LTBP1: variants seen among roughly 807,000 people sequenced by gnomAD.
LTBP1 encodes latent-transforming growth factor beta-binding protein 1.
Under a neutral mutation model 207.6 loss-of-function variants are expected in LTBP1, and 129 were observed. That is an observed-to-expected ratio of 0.62 (90% CI 0.54 to 0.72). LTBP1 has a LOEUF of 0.72. Among genes scored for constraint, LTBP1 ranks in the 30% least tolerant of loss-of-function variants. The pLI is 0.00. For synonymous variants in LTBP1, 963 were observed against 833.7 expected, an observed-to-expected ratio of 1.16 and a Z score of -2.67; for missense variants, 2,281 against 2,217.2, an observed-to-expected ratio of 1.03 and a Z score of -0.58.
intron 31 of LTBP1, among the ~76,000 whole-genome samples, chr2:33,372,585 G>C (rs1360870708): frequency 6.6e-6 from 1 of 152,122 alleles, no homozygotes; most frequent in Non-Finnish European, 1.5e-5. Context: ...AAAAGTATAA[G>C]CTTAATCACC....
chr2:33,003,929 A>G (rs77268008), intron 2 of LTBP1, among the ~76,000 whole-genome samples: 226 of 152,320 alleles, frequency 1.5e-3, no homozygotes, highest in African/African-American at 5.3e-3. Context: ...TGCCTGTCCA[A>G]CGTTGGGTTG....
chr2:33,278,754 C>G (rs2093498147), intron 18 of LTBP1, among the ~76,000 whole-genome samples: 1 of 151,976 alleles, frequency 6.6e-6, no homozygotes, highest in African/African-American at 2.4e-5. Flanking sequence ...GAATGTAATG[C>G]TATTTGGAAA....
At position 33,363,370 on chromosome 2, in the gene LTBP1, C is replaced by T; in HGVS notation, c.4271-20C>T. The stretch of plus-strand genomic sequence containing the variant: ...TCAAACCTAACTCCTTTTTGTATTT[C>T]TCAATTTTTTTCCCCGTAGATGCAG... On this transcript the variant is annotated intron_variant, in intron 28 of 33. Coordinates refer to ENST00000404816, the MANE Select transcript of LTBP1 (RefSeq NM_206943.4). The T allele has an allele frequency of 6.2e-7, 1 of 1,611,024 alleles. No homozygotes were observed. Among genetic ancestry groups the T allele is most frequent in the Non-Finnish European group, 8.5e-7 (1 of 1,178,658 alleles).
intron 7 of LTBP1, among the ~76,000 whole-genome samples, chr2:33,191,003 A>T (rs1337112211): frequency 6.6e-6 from 1 of 152,216 alleles, no homozygotes; most frequent in Non-Finnish European, 1.5e-5. Flanking sequence ...TACACTTCAC[A>T]GCTTTGCACT....
Position 33,222,162 on chromosome 2 carries a change from C to T in LTBP1, c.1876+11C>T, listed in dbSNP as rs1373236933. 5.7e-6 allele frequency: 9 copies of T among 1,588,564 alleles called. No individual in the cohort carries two copies. The highest frequency in any genetic ancestry group is 6.9e-6 in the Non-Finnish European group (8 of 1,156,456). On this transcript the variant is annotated intron_variant, in intron 9 of 33. Coordinates refer to ENST00000404816, the MANE Select transcript of LTBP1 (RefSeq NM_206943.4). ...ACACCTTTTGCCAAGGTAAGACTAA[C>T]TGAATTCATTGATGTGGACTCAACA...
chr2:32,977,586 A>G (rs1348507006), intron 2 of LTBP1, among the ~76,000 whole-genome samples: 1 of 152,044 alleles, frequency 6.6e-6, no homozygotes, highest in Non-Finnish European at 1.5e-5. Context: ...GCCTCTGGAA[A>G]ATCTCCAGGT....
chr2:32,992,387 A>G (rs981390190), intron 2 of LTBP1, among the ~76,000 whole-genome samples: 1 of 152,214 alleles, frequency 6.6e-6, no homozygotes, highest in African/African-American at 2.4e-5. Context: ...GGAGAAGGGC[A>G]TTCCAGGAAG....
intron 3 of LTBP1, among the ~76,000 whole-genome samples, chr2:33,053,636 C>T (rs1002530478): frequency 2.0e-5 from 3 of 151,918 alleles, no homozygotes; most frequent in Non-Finnish European, 4.4e-5. Flanking sequence ...GCCAGTAATT[C>T]CAAGGAACCC....
chr2:33,047,406 T>C (rs980220670), intron 3 of LTBP1, among the ~76,000 whole-genome samples: 31 of 152,230 alleles, frequency 2.0e-4, no homozygotes, highest in African/African-American at 7.5e-4. Flanking sequence ...TTGTTCAGTT[T>C]CCATGTAGTT....
intron 24 of LTBP1, among the ~76,000 whole-genome samples, chr2:33,332,119 T>C (rs1164816284): frequency 6.6e-6 from 1 of 152,102 alleles, no homozygotes; most frequent in Admixed American, 6.5e-5. Context: ...CAGTTGTATT[T>C]CACTCAAATG....
intron 19 of LTBP1, among the ~76,000 whole-genome samples, chr2:33,281,611 C>T (rs1266345772): frequency 6.6e-6 from 1 of 152,172 alleles, no homozygotes; most frequent in East Asian, 1.9e-4. Context: ...GTCTCATCAC[C>T]AAACAGCATC....
chr2:33,008,928 T>A lies in LTBP1; in HGVS notation c.566-11981T>A, dbSNP rs73924117. On this transcript the variant is annotated intron_variant, in intron 2 of 33. Coordinates refer to ENST00000404816, the MANE Select transcript of LTBP1 (RefSeq NM_206943.4). ...CCCTGTGATGGAAGCAGGCTTGGTG[T>A]GTCTGGGGACCAGCAAGCAAGCCAG... Among the ~76,000 whole-genome samples the A allele has an allele frequency of 7.9e-3, 1,208 of 152,266 alleles. 9 individuals are homozygous for A. Among genetic ancestry groups the A allele is most frequent in the African/African-American group, 0.026 (1,074 of 41,548 alleles).
At chr2:33,114,917 C>T (rs2080642257) in intron 4 of LTBP1, among the ~76,000 whole-genome samples, 1 of 151,906 alleles carries the variant, frequency 6.6e-6, no homozygotes, top group Admixed American at 6.6e-5. Flanking sequence ...GAATTGAAAA[C>T]ATATGTTTGC....
rs187863915 is a variant in LTBP1, at chr2:33,253,510, T to A, written c.2167+666T>A. On this transcript the variant is annotated intron_variant, in intron 11 of 33. Transcript: ENST00000404816. The stretch of plus-strand genomic sequence containing the variant: ...TCAAGCAGGATCAAGTAGAGTTAAG[T>A]GGAAGAGAAAGAAATGTAACCTGAA... 7.2e-3 allele frequency among the ~76,000 whole-genome samples: 1,096 copies of A among 152,174 alleles called. 3 individuals are homozygous for A. The highest frequency in any genetic ancestry group is 0.01 in the Middle Eastern group (3 of 294).
At chr2:33,023,699 A>C (rs904481057) in intron 3 of LTBP1, among the ~76,000 whole-genome samples, 3 of 152,220 alleles carry the variant, frequency 2.0e-5, no homozygotes, top group Non-Finnish European at 4.4e-5. Flanking sequence ...ATTAAGATGT[A>C]CAAGATCCAG....
chr2:33,374,579 A>G (rs568059161), intron 31 of LTBP1, among the ~76,000 whole-genome samples: 1 of 152,304 alleles, frequency 6.6e-6, no homozygotes, highest in Admixed American at 6.5e-5. Flanking sequence ...GTTCTGTGGG[A>G]CTGAACTCTT....
chr2:33,258,827 C>T (rs1470856117), intron 12 of LTBP1, among the ~76,000 whole-genome samples: 1 of 152,130 alleles, frequency 6.6e-6, no homozygotes, highest in African/African-American at 2.4e-5. Flanking sequence ...AATGTTTTTA[C>T]AGGAGACATT....
chr2:33,263,074 G>C (rs1430614096), intron 14 of LTBP1, among the ~76,000 whole-genome samples: 1 of 151,896 alleles, frequency 6.6e-6, no homozygotes. Flanking sequence ...CATTATTGAA[G>C]GTTATCATTT....
rs537365670 is a variant in LTBP1, at chr2:33,154,927, G to C, written c.1201+19967G>C. Among the ~76,000 whole-genome samples the C allele has an allele frequency of 2.0e-5, 3 of 152,144 alleles. No homozygotes were observed. In the South Asian group the frequency reaches 6.2e-4, roughly 32 times the overall value. On this transcript the variant is annotated intron_variant, in intron 5 of 33. Transcript: ENST00000404816. The stretch of plus-strand genomic sequence containing the variant: ...AAAATACAAAAATTACCTGTGCTTG[G>C]TGGTGGGTGCCTGTAAGTCCAGCGA...
Sources: gnomAD v4.1 joint callset for allele counts (sites outside exome capture counted in the v4.1 genomes callset) on GRCh38, gnomAD v4.1.1 for gene constraint, MANE v1.5 for transcripts, NCBI Gene and HGNC (gene_info 2026-07-23, HGNC 2026-07-21) for gene names.